The following SPRTN variants were observed in gnomAD, a reference collection of about 807,000 sequenced individuals.
The protein encoded by SPRTN is DNA-dependent metalloprotease SPRTN.
In SPRTN, 11 loss-of-function variants were observed where a neutral mutation model predicts 31.9. The ratio of observed to expected loss-of-function variants is 0.34; its 90% CI spans 0.22 to 0.57. SPRTN has a LOEUF of 0.57. SPRTN is among the 20% of genes least tolerant of loss of function. The pLI is 0.86. For missense variants in SPRTN, 482 were observed against 590.1 expected, an observed-to-expected ratio of 0.82 and a Z score of 1.90; for synonymous variants, 185 against 212.1, an observed-to-expected ratio of 0.87 and a Z score of 1.11.
chr1:231,347,660 G>A (rs889792704), intron 2 of SPRTN, 137 bp from the exon 3 acceptor site: 47 of 1,039,432 alleles, frequency 4.5e-5, no homozygotes, highest in Admixed American at 2.0e-4. Context: ...CACTGCACCC[G>A]GCCTAGAATG....
Position 231,353,102 on chromosome 1 carries a change from T to A in SPRTN, c.1211T>A (p.Phe404Tyr). Residue 404 changes from phenylalanine (F) to tyrosine (Y), a missense_variant, in exon 5 of 5, where the codon TTC becomes TAC. Around this residue, in one of 2 missense-constraint regions of SPRTN, gnomAD observed 325 missense variants for 350.2 expected, o/e 0.93. Coordinates refer to ENST00000295050, the MANE Select transcript of SPRTN (RefSeq NM_032018.7). ...SQDVSGSEDT[F>Y]PNKRPRLEDK... ...GATGTGAGTGGGTCTGAAGATACATTCCCAAATAAACGACCTAGGCTAGAA... is the reference window on the plus strand; with the variant it reads ...GATGTGAGTGGGTCTGAAGATACATACCCAAATAAACGACCTAGGCTAGAA... 6.2e-7 allele frequency: 1 copy of A among 1,613,708 alleles called. No homozygotes were observed. The highest frequency in any genetic ancestry group is 8.5e-7 in the Non-Finnish European group (1 of 1,179,872).
intron 3 of SPRTN, 86 bp from the exon 4 acceptor site, chr1:231,351,205 TAAAAAAAAAAAAA>T: frequency 1.0e-6 from 1 of 973,398 alleles, no homozygotes. Flanking sequence ...TTTCAAAAAT[TAAAAAAAAAAAAA>T]AAAAAAAAAA....
Position 231,338,402 on chromosome 1 carries a change from T to C in SPRTN, c.19T>C (p.Leu7=). Residue 7 remains leucine (L), a synonymous_variant, in exon 1 of 5, where the codon TTG becomes CTG. Transcript: ENST00000295050. ...GGCAACGATGGATGATGACTTGATG[T>C]TGGCACTGCGGCTTCAGGAGGAGTG... is the stretch of plus-strand genomic sequence containing the variant. MDDDLM[L]ALRLQEEWNL... 1 of 1,614,246 alleles carries C rather than the reference T, an allele frequency of 6.2e-7. No individual in the cohort carries two copies. Among genetic ancestry groups the C allele is most frequent in the Non-Finnish European group, 8.5e-7 (1 of 1,180,044 alleles).
chr1:231,340,064 A>AC, intron 2 of SPRTN, 196 bp downstream of exon 2: 3 of 434,586 alleles, frequency 6.9e-6, no homozygotes, highest in Non-Finnish European at 1.2e-5. Flanking sequence ...AAAAAAAACA[A>AC]AAAAAAGGCT....
At chr1:231,343,560 C>T (rs1363766670) in intron 2 of SPRTN, among the ~76,000 whole-genome samples, 1 of 152,070 alleles carries the variant, frequency 6.6e-6, no homozygotes, top group Non-Finnish European at 1.5e-5. Context: ...TTGTTACTAC[C>T]ATCACCACTC....
At position 231,354,877 on chromosome 1, in the gene SPRTN, C is replaced by T; in HGVS notation, c.*1516C>T. On this transcript the variant is annotated 3_prime_UTR_variant, in exon 5 of 5. Transcript: ENST00000295050. ...CTTTAGTAAATTCTGCCAGTTTACA[C>T]TCCTACCAGCAATGTATGAGAGTTT... 1 of 383,770 alleles carries T rather than the reference C, an allele frequency of 2.6e-6. No homozygotes were observed. Among genetic ancestry groups the T allele is most frequent in the Non-Finnish European group, 3.6e-6 (1 of 280,292 alleles). 23.8% of individuals were successfully genotyped at this position (383,770 alleles called of 1,614,324 possible).
In SPRTN at chr1:231,338,401, G is replaced by A; in HGVS notation, c.18G>A (p.Met6Ile). 6.2e-7 allele frequency: 1 copy of A among 1,614,270 alleles called. No individual in the cohort carries two copies. The highest frequency in any genetic ancestry group is 1.3e-5 in the African/African-American group (1 of 75,080). The change falls in exon 1 of 5, where the codon ATG becomes ATA. Residue 6 changes from methionine (M) to isoleucine (I), a missense_variant. Met to Ile is a conservative substitution (Grantham distance 10). Transcript: ENST00000295050. Reference sequence around the variant, plus strand: ...TGGCAACGATGGATGATGACTTGATGTTGGCACTGCGGCTTCAGGAGGAGT... The same window carrying A: ...TGGCAACGATGGATGATGACTTGATATTGGCACTGCGGCTTCAGGAGGAGT... MDDDL[M>I]LALRLQEEWN...
intron 1 of SPRTN, chr1:231,339,345 A>T: frequency 2.7e-6 from 1 of 366,610 alleles, no homozygotes; most frequent in African/African-American, 2.1e-5. Flanking sequence ...CCGAACTGTA[A>T]CTTGTCGGAA....
chr1:231,338,294 G>T lies in SPRTN; in HGVS notation c.-90G>T. The stretch of plus-strand genomic sequence containing the variant: ...GAGAGCCGGCATCTCCTAGGAGCTA[G>T]TCCTGGTCCTCGGCTAGGCGGCTTG... On this transcript the variant is annotated 5_prime_UTR_variant, in exon 1 of 5. Transcript: ENST00000295050. 1 of 1,427,936 alleles carries T rather than the reference G, an allele frequency of 7.0e-7. No individual in the cohort carries two copies. The allele number at this position is 1,427,936 out of a possible 1,614,324, so 88.5% of individuals were successfully genotyped here.
In SPRTN at chr1:231,353,223, C is replaced by T. The variant is rs754129906; in HGVS notation, c.1332C>T (p.Ser444=). ...PKYSTTTAQN[S]SSSSSQSKMV... ...ATAGTACAACCACAGCTCAGAATTC[C>T]AGCAGTTCATCCAGTCAGAGCAAAA... The change falls in exon 5 of 5, where the codon TCC becomes TCT. Residue 444 remains serine, a synonymous_variant. Transcript: ENST00000295050. 6.2e-7 allele frequency: 1 copy of T among 1,614,042 alleles called. No homozygotes were observed. The highest frequency in any genetic ancestry group is 1.3e-5 in the African/African-American group (1 of 75,018).
In SPRTN at chr1:231,338,414, C is replaced by T. The variant is rs1686755431; in HGVS notation, c.31C>T (p.Leu11Phe). 3 of 1,614,268 alleles carry T rather than the reference C, an allele frequency of 1.9e-6. No homozygotes were observed. The highest frequency in any genetic ancestry group is 2.5e-6 in the Non-Finnish European group (3 of 1,180,050). The change falls in exon 1 of 5, where the codon CTT (leucine) becomes TTT (phenylalanine). Residue 11 changes from leucine to phenylalanine, a missense_variant. Around this residue, in one of 2 missense-constraint regions of SPRTN, gnomAD observed 157 missense variants for 239.9 expected, o/e 0.65. Coordinates refer to ENST00000295050, the MANE Select transcript of SPRTN (RefSeq NM_032018.7). Reference sequence around the variant, plus strand: ...TGATGACTTGATGTTGGCACTGCGGCTTCAGGAGGAGTGGAACTTGCAGGA... The same window carrying T: ...TGATGACTTGATGTTGGCACTGCGGTTTCAGGAGGAGTGGAACTTGCAGGA... MDDDLMLALR[L>F]QEEWNLQEAE...
At chr1:231,341,464 C>T (rs1026481054) in intron 2 of SPRTN, among the ~76,000 whole-genome samples, 7 of 151,822 alleles carry the variant, frequency 4.6e-5, no homozygotes, top group Non-Finnish European at 1.0e-4. Context: ...CTTGTAAGTG[C>T]TCAAAAAGTT....
chr1:231,339,659 C>T, intron 1 of SPRTN, 110 bp from the exon 2 acceptor site: 2 of 1,102,504 alleles, frequency 1.8e-6, no homozygotes, highest in Non-Finnish European at 2.8e-6. Flanking sequence ...GGGGGGTATA[C>T]TTTCATGAAA....
chr1:231,347,550 G>A, intron 2 of SPRTN: 1 of 369,724 alleles, frequency 2.7e-6, no homozygotes, highest in Non-Finnish European at 4.9e-6. Flanking sequence ...TTTTTGTAGA[G>A]ACAGGGTTTC....
intron 2 of SPRTN, among the ~76,000 whole-genome samples, chr1:231,345,971 GTTTTAT>G (rs1019669088): frequency 4.0e-5 from 6 of 151,552 alleles, no homozygotes; most frequent in African/African-American, 1.5e-4. Context: ...CAAGCTAATT[GTTTTAT>G]TTTTATTTTT....
Position 231,353,960 on chromosome 1 carries a change from G to A in SPRTN, c.*599G>A. 1 of 927,968 alleles carries A rather than the reference G, an allele frequency of 1.1e-6. No homozygotes were observed. 57.5% of individuals were successfully genotyped at this position (927,968 alleles called of 1,614,324 possible). The stretch of plus-strand genomic sequence containing the variant: ...ACTAAACAGTGGCAGCAGATTTTAA[G>A]TTAAAGAATATGGAATATAGTAAAA... On this transcript the variant is annotated 3_prime_UTR_variant, in exon 5 of 5. Transcript: ENST00000295050.
intron 2 of SPRTN, 195 bp downstream of exon 2, chr1:231,340,063 A>C (rs1686830017): frequency 9.7e-5 from 45 of 465,666 alleles, no homozygotes; most frequent in South Asian, 4.2e-4. Flanking sequence ...AAAAAAAAAC[A>C]AAAAAAAGGC....
Position 231,353,130 on chromosome 1 carries a change from T to C in SPRTN, c.1239T>C (p.Asp413=), listed in dbSNP as rs759791241. The C allele has an allele frequency of 5.0e-6, 8 of 1,612,518 alleles. No individual in the cohort carries two copies. Among genetic ancestry groups the C allele is most frequent in the African/African-American group, 2.7e-5 (2 of 74,770 alleles). ...TFPNKRPRLE[D]KTVFDNFFIK... ...CAAATAAACGACCTAGGCTAGAAGA[T>C]AAGACTGTTTTTGACAATTTTTTTA... The change falls in exon 5 of 5, where the codon GAT becomes GAC. Residue 413 remains aspartate (D), a synonymous_variant. Coordinates refer to ENST00000295050, the MANE Select transcript of SPRTN (RefSeq NM_032018.7).
At position 231,352,885 on chromosome 1, in the gene SPRTN, T is replaced by C. The variant is rs1364875918; in HGVS notation, c.994T>C (p.Phe332Leu). The change falls in exon 5 of 5, where the codon TTT becomes CTT. Residue 332 changes from phenylalanine to leucine, a missense_variant. Physicochemically the swap from Phe to Leu is conservative, Grantham distance 22. Coordinates refer to ENST00000295050, the MANE Select transcript of SPRTN (RefSeq NM_032018.7). ...NSHQNVLSNY[F>L]PRVSFANQKA... ...TCACCAAAATGTTCTAAGCAACTAC[T>C]TTCCTAGAGTATCATTTGCCAACCA... 6.2e-7 allele frequency: 1 copy of C among 1,614,166 alleles called. No homozygotes were observed.
Sources: gnomAD v4.1 joint callset for allele counts (sites outside exome capture counted in the v4.1 genomes callset) on GRCh38, gnomAD v4.1.1 for gene constraint, gnomAD v4.1.1 regional missense constraint, MANE v1.5 for transcripts, NCBI Gene and HGNC (gene_info 2026-07-23, HGNC 2026-07-21) for gene names.